SNX18: variants seen among roughly 807,000 people sequenced by gnomAD.
SNX18 encodes sorting nexin-18.
Under a neutral mutation model 48.7 loss-of-function variants are expected in SNX18, and 35 were observed. The observed-to-expected ratio is 0.72, with a 90% CI of 0.55 to 0.95. The LOEUF (loss-of-function observed/expected upper bound fraction) is 0.95. Among genes scored for constraint, SNX18 ranks in the 40% least tolerant of loss-of-function variants. SNX18 has a pLI of 0.00. For missense variants in SNX18, 824 were observed against 871.0 expected, an observed-to-expected ratio of 0.95 and a Z score of 0.68; for synonymous variants, 492 against 384.7, an observed-to-expected ratio of 1.28 and a Z score of -3.26.
At chr5:54,640,390 TTTC>T in the SNX18 span, among the ~76,000 whole-genome samples, 1 of 36,560 alleles carries the variant, frequency 2.7e-5, no homozygotes, top group Non-Finnish European at 5.6e-5. Flanking sequence ...ATTTTTGTAC[TTTC>T]TTTTTTTTAA....
chr5:54,584,292 C>T, the SNX18 span, among the ~76,000 whole-genome samples: 1 of 152,010 alleles, frequency 6.6e-6, no homozygotes, highest in Non-Finnish European at 1.5e-5. Flanking sequence ...AGGCAGTCCG[C>T]GTGCCTCAGC....
the SNX18 span, among the ~76,000 whole-genome samples, chr5:54,559,640 C>G: frequency 2.6e-5 from 4 of 152,104 alleles, no homozygotes; most frequent in African/African-American, 9.7e-5. Context: ...CAATACCATT[C>G]TGGACACAGG....
chr5:54,571,800 A>G, the SNX18 span, among the ~76,000 whole-genome samples: 1 of 152,028 alleles, frequency 6.6e-6, no homozygotes, highest in Non-Finnish European at 1.5e-5. Context: ...GGCTGGAGGT[A>G]CTCCATGAAG....
At chr5:54,555,864 A>G in the SNX18 span, among the ~76,000 whole-genome samples, 1 of 151,968 alleles carries the variant, frequency 6.6e-6, no homozygotes, top group Admixed American at 6.6e-5. Context: ...AGAAAAAAAG[A>G]TTGGGTAAAA....
chr5:54,541,325 G>T (rs1762466987), intron 1 of SNX18, among the ~76,000 whole-genome samples: 1 of 152,120 alleles, frequency 6.6e-6, no homozygotes, highest in Non-Finnish European at 1.5e-5. Context: ...ACCGCGCCCG[G>T]CCCTCCTGGT....
At chr5:54,575,997 C>T in the SNX18 span, among the ~76,000 whole-genome samples, 1 of 152,220 alleles carries the variant, frequency 6.6e-6, no homozygotes, top group Non-Finnish European at 1.5e-5. Context: ...CTTTTGAAGA[C>T]AGTAAGTATA....
chr5:54,606,128 A>G, the SNX18 span, among the ~76,000 whole-genome samples: 3 of 152,246 alleles, frequency 2.0e-5, no homozygotes, highest in Non-Finnish European at 4.4e-5. Flanking sequence ...CTATTTGTAT[A>G]GATTTTCCAG....
At chr5:54,589,881 CAGTGGCG>C in the SNX18 span, among the ~76,000 whole-genome samples, 1 of 152,210 alleles carries the variant, frequency 6.6e-6, no homozygotes, top group Non-Finnish European at 1.5e-5. Context: ...AGCTGGAATG[CAGTGGCG>C]AGATCATTCT....
chr5:54,607,790 C>T, the SNX18 span, among the ~76,000 whole-genome samples: 3 of 151,982 alleles, frequency 2.0e-5, no homozygotes, highest in African/African-American at 2.4e-5. Flanking sequence ...AAAAATTAAC[C>T]GGGCGTGGTG....
chr5:54,623,212 G>C, the SNX18 span, among the ~76,000 whole-genome samples: 1 of 152,178 alleles, frequency 6.6e-6, no homozygotes, highest in African/African-American at 2.4e-5. Flanking sequence ...AGGGCAGAGA[G>C]AGTCATTAGC....
the SNX18 span, among the ~76,000 whole-genome samples, chr5:54,589,261 C>T: frequency 6.6e-6 from 1 of 152,014 alleles, no homozygotes; most frequent in Non-Finnish European, 1.5e-5. Flanking sequence ...CACTAGCTGC[C>T]GGCTCTCAGG....
the SNX18 span, among the ~76,000 whole-genome samples, chr5:54,630,773 G>A: frequency 6.8e-6 from 1 of 148,008 alleles, no homozygotes; most frequent in African/African-American, 2.5e-5. Flanking sequence ...GGCAGAGGTT[G>A]CAGTGAGCCA....
chr5:54,570,625 C>T, the SNX18 span, among the ~76,000 whole-genome samples: 1 of 152,180 alleles, frequency 6.6e-6, no homozygotes, highest in South Asian at 2.1e-4. Flanking sequence ...TTTGTTTCCT[C>T]CACAGAGCCT....
At chr5:54,622,501 CAA>C in the SNX18 span, among the ~76,000 whole-genome samples, 3 of 136,172 alleles carry the variant, frequency 2.2e-5, no homozygotes, top group Admixed American at 7.4e-5. Context: ...GCCACTGTCT[CAA>C]AAAAAAAAAG....
the SNX18 span, among the ~76,000 whole-genome samples, chr5:54,632,892 G>C: frequency 6.6e-6 from 1 of 151,582 alleles, no homozygotes; most frequent in African/African-American, 2.4e-5. Context: ...CTCCTGCCTC[G>C]GCCTCCTGAG....
intron 1 of SNX18, 49 bp from the exon 2 acceptor site, chr5:54,543,130 G>A (rs1762504062): frequency 1.3e-6 from 2 of 1,557,242 alleles, no homozygotes; most frequent in East Asian, 4.6e-5. Context: ...TATGTTCTTG[G>A]GATATGTGGA....
At chr5:54,589,630 T>C in the SNX18 span, among the ~76,000 whole-genome samples, 1 of 152,190 alleles carries the variant, frequency 6.6e-6, no homozygotes, top group East Asian at 1.9e-4. Context: ...CCAAACTCTA[T>C]GGGGGTGCCC....
In SNX18 at chr5:54,543,534, C is replaced by G; in HGVS notation, c.*102C>G. 7.1e-7 allele frequency: 1 copy of G among 1,415,860 alleles called. No homozygotes were observed. Among genetic ancestry groups the G allele is most frequent in the Non-Finnish European group, 9.6e-7 (1 of 1,039,692 alleles). The allele number at this position is 1,415,860 out of a possible 1,614,324, so 87.7% of individuals were successfully genotyped here. On this transcript the variant is annotated 3_prime_UTR_variant, in exon 2 of 2. Transcript: ENST00000381410. The stretch of plus-strand genomic sequence containing the variant: ...CTATTGCCAGCTATCAGTGGTGGTA[C>G]AAGGACGGTTTTGTGTTCATCTGAA...
chr5:54,630,099 C>T, the SNX18 span, among the ~76,000 whole-genome samples: 2 of 152,210 alleles, frequency 1.3e-5, no homozygotes, highest in South Asian at 4.1e-4. Flanking sequence ...TATACAACAC[C>T]TGCCAGCTTC....
Sources: allele counts gnomAD v4.1 joint callset (sites outside exome capture counted in the v4.1 genomes callset), GRCh38; gene constraint gnomAD v4.1.1; transcripts MANE v1.5; gene names NCBI Gene and HGNC (gene_info 2026-07-23, HGNC 2026-07-21).